The following STAG1 variants were observed in gnomAD, a reference collection of about 807,000 sequenced individuals.
The protein encoded by STAG1 is STAG1 cohesin complex component.
In STAG1, 26 loss-of-function variants were observed where a neutral mutation model predicts 170.9. The observed-to-expected ratio is 0.15, with a 90% confidence interval of 0.11 to 0.21. STAG1 has a LOEUF of 0.21. Among genes scored for constraint, STAG1 ranks in the 10% least tolerant of loss-of-function variants. The pLI is 1.00. For synonymous variants in STAG1, 514 were observed against 497.7 expected (o/e 1.03, Z -0.44); for missense variants, 964 against 1,509.5 (o/e 0.64, Z 5.99).
intron 1 of STAG1, among the ~76,000 whole-genome samples, chr3:136,677,472 C>T (rs1410195160): frequency 3.3e-5 from 5 of 152,032 alleles, no homozygotes; most frequent in African/African-American, 7.2e-5. Flanking sequence ...ACTGGAGAAA[C>T]GAGAATTGCT....
At chr3:136,440,585 G>A (rs549119889) in intron 15 of STAG1, among the ~76,000 whole-genome samples, 1 of 152,162 alleles carries the variant, frequency 6.6e-6, no homozygotes, top group East Asian at 1.9e-4. Context: ...AAAATGAATG[G>A]AACCTACCAT....
intron 9 of STAG1, among the ~76,000 whole-genome samples, chr3:136,496,040 A>T (rs1193178433): frequency 6.6e-6 from 1 of 151,070 alleles, no homozygotes; most frequent in Non-Finnish European, 1.5e-5. Context: ...GCTACTTGGG[A>T]GGCTGAGGCA....
intron 7 of STAG1, among the ~76,000 whole-genome samples, chr3:136,509,222 T>C (rs1213499528): frequency 6.6e-6 from 1 of 152,238 alleles, no homozygotes; most frequent in African/African-American, 2.4e-5. Context: ...TGAAGGATTC[T>C]CTTTCGACTA....
intron 9 of STAG1, among the ~76,000 whole-genome samples, chr3:136,492,062 A>G (rs2090134882): frequency 6.6e-6 from 1 of 152,236 alleles, no homozygotes; most frequent in South Asian, 2.1e-4. Context: ...TGGGACACAA[A>G]GTGGTAACTT....
intron 1 of STAG1, among the ~76,000 whole-genome samples, chr3:136,642,972 C>A (rs1170419113): frequency 3.3e-5 from 5 of 152,196 alleles, no homozygotes; most frequent in Non-Finnish European, 7.3e-5. Context: ...ACACTGTATT[C>A]TCTTCCCTGT....
chr3:136,504,814 C>T (rs1933672282), intron 7 of STAG1, among the ~76,000 whole-genome samples: 1 of 152,098 alleles, frequency 6.6e-6, no homozygotes, highest in African/African-American at 2.4e-5. Context: ...TTACTTTCAG[C>T]TGTATATCTT....
rs138802634 is a variant in STAG1, at chr3:136,572,422, G to A, written c.298-3561C>T. ...CAGCCTGGGCAATGTAGCAAAACCCGCCTCTACCAAAAATCCACGAATTAG... is the reference window on the plus strand; with the variant it reads ...CAGCCTGGGCAATGTAGCAAAACCCACCTCTACCAAAAATCCACGAATTAG... On this transcript the variant is annotated intron_variant, in intron 4 of 33. Transcript: ENST00000383202. Among the ~76,000 whole-genome samples, 441 of 151,510 alleles carry A rather than the reference G, an allele frequency of 2.9e-3. 1 individual carries two copies. The highest frequency in any genetic ancestry group is 0.01 in the African/African-American group (425 of 41,372).
Position 136,666,074 on chromosome 3 carries a change from C to CAAAAAAAAAAAAAAAAAAAAAAAA in STAG1, c.-83-35117_-83-35094dup, listed in dbSNP as rs576009223. Among the ~76,000 whole-genome samples the CAAAAAAAAAAAAAAAAAAAAAAAA allele has an allele frequency of 9.8e-5, 5 of 51,170 alleles. 1 individual carries two copies. The highest frequency in any genetic ancestry group is 2.8e-4 in the Admixed American group (1 of 3,632). The allele number at this position is 51,170 out of a possible 152,430, so 33.6% of individuals were successfully genotyped here. On this transcript the variant is annotated intron_variant, in intron 1 of 33. Coordinates refer to ENST00000383202, the MANE Select transcript of STAG1 (RefSeq NM_005862.3). The stretch of plus-strand genomic sequence containing the variant: ...TGGGCGATAGAGTGAGACTCCATCT[C>CAAAAAAAAAAAAAAAAAAAAAAAA]AAAAAAAAAAAAAAAAAAAAAAAAA...
intron 28 of STAG1, among the ~76,000 whole-genome samples, chr3:136,357,138 C>T (rs1455464841): frequency 3.3e-5 from 5 of 151,794 alleles, no homozygotes; most frequent in Admixed American, 6.6e-5. Flanking sequence ...TTAGTAGAGA[C>T]GGGGTTTCAC....
In STAG1 at chr3:136,497,611, C is replaced by T. The variant is rs553888598; in HGVS notation, c.902+2612G>A. 1.1e-4 allele frequency among the ~76,000 whole-genome samples: 17 copies of T among 152,010 alleles called. No individual in the cohort carries two copies. In the South Asian group the frequency reaches 2.9e-3, roughly 26 times the overall value. On this transcript the variant is annotated intron_variant, in intron 9 of 33. Coordinates refer to ENST00000383202, the MANE Select transcript of STAG1 (RefSeq NM_005862.3). ...ACCCCAGCACTTTGGGAGGCCGAGG[C>T]GGGCGGATCACCAGGTCAGGAGATC...
chr3:136,660,462 C>T (rs1273441251), intron 1 of STAG1, among the ~76,000 whole-genome samples: 1 of 152,042 alleles, frequency 6.6e-6, no homozygotes, highest in Non-Finnish European at 1.5e-5. Flanking sequence ...AAGTACTACT[C>T]AGGATGTTTT....
intron 1 of STAG1, among the ~76,000 whole-genome samples, chr3:136,666,836 A>G (rs889070370): frequency 2.6e-4 from 40 of 151,866 alleles, no homozygotes; most frequent in Admixed American, 2.3e-3. Context: ...AAAAAAAAAA[A>G]ACCTGTTTGA....
chr3:136,539,580 T>C (rs907971731), intron 6 of STAG1, among the ~76,000 whole-genome samples: 7 of 152,228 alleles, frequency 4.6e-5, no homozygotes, highest in African/African-American at 1.7e-4. Flanking sequence ...ACAAAGACTT[T>C]ACATATGAAG....
At chr3:136,531,204 A>T (rs535991132) in intron 6 of STAG1, among the ~76,000 whole-genome samples, 32 of 151,202 alleles carry the variant, frequency 2.1e-4, no homozygotes, top group Admixed American at 6.0e-4. Flanking sequence ...TCAAAACCAC[A>T]ATGAGATACC....
intron 1 of STAG1, among the ~76,000 whole-genome samples, chr3:136,678,158 T>A (rs1942200181): frequency 6.7e-6 from 1 of 150,226 alleles, no homozygotes; most frequent in Non-Finnish European, 1.5e-5. Context: ...CAAATTAGAA[T>A]CAAAACAATT....
At chr3:136,435,691 C>T (rs1482140453) in intron 15 of STAG1, among the ~76,000 whole-genome samples, 24 of 151,536 alleles carry the variant, frequency 1.6e-4, no homozygotes, top group East Asian at 1.9e-4. Flanking sequence ...TTTTTTGAGA[C>T]GGCATTTCAC....
intron 6 of STAG1, among the ~76,000 whole-genome samples, chr3:136,528,746 T>C (rs539706402): frequency 1.3e-5 from 2 of 152,018 alleles, no homozygotes; most frequent in Admixed American, 6.5e-5. Context: ...GCTCAGGACA[T>C]GGCAAAACCC....
intron 1 of STAG1, among the ~76,000 whole-genome samples, chr3:136,703,060 C>G (rs1943127105): frequency 7.5e-6 from 1 of 133,826 alleles, no homozygotes; most frequent in African/African-American, 3.0e-5. Context: ...GAGGAAGACT[C>G]CATCTCAAAA....
chr3:136,673,077 T>C (rs1559942777), intron 1 of STAG1, among the ~76,000 whole-genome samples: 1 of 152,236 alleles, frequency 6.6e-6, no homozygotes, highest in Non-Finnish European at 1.5e-5. Context: ...TCTTTTCTAC[T>C]GGATTGAAAA....
Sources: gnomAD v4.1 joint callset for allele counts (sites outside exome capture counted in the v4.1 genomes callset) on GRCh38, gnomAD v4.1.1 for gene constraint, MANE v1.5 for transcripts, NCBI Gene and HGNC (gene_info 2026-07-23, HGNC 2026-07-21) for gene names.